PTPRM: variants seen among roughly 807,000 people sequenced by gnomAD.
The protein encoded by PTPRM is receptor-type tyrosine-protein phosphatase mu.
A neutral mutation model predicts 186.7 loss-of-function variants in PTPRM; 47 were observed. The ratio of observed to expected loss-of-function variants is 0.25; its 90% confidence interval spans 0.20 to 0.32. PTPRM has a LOEUF of 0.32. Among genes scored for constraint, PTPRM ranks in the 10% least tolerant of loss-of-function variants. The pLI, the probability that PTPRM is intolerant of heterozygous loss-of-function variation, is 1.00. For synonymous variants in PTPRM, 668 were observed against 674.9 expected, an observed-to-expected ratio of 0.99 and a Z score of 0.16; for missense variants, 1,494 against 1,865.0, an observed-to-expected ratio of 0.80 and a Z score of 3.66.
At chr18:8,021,697 C>A (rs767944228) in intron 7 of PTPRM, among the ~76,000 whole-genome samples, 3 of 152,082 alleles carry the variant, frequency 2.0e-5, no homozygotes, top group African/African-American at 4.8e-5. Flanking sequence ...TGATCTCATT[C>A]TTTTTTATGG....
chr18:7,729,149 G>A lies in PTPRM; in HGVS notation c.74-45000G>A, dbSNP rs192606137. Among the ~76,000 whole-genome samples, 66 of 152,018 alleles carry A rather than the reference G, an allele frequency of 4.3e-4. 2 individuals carry two copies. The highest frequency in any genetic ancestry group is 1.5e-3 in the African/African-American group (63 of 41,480). On this transcript the variant is annotated intron_variant, in intron 1 of 32. Coordinates refer to ENST00000580170, the MANE Select transcript of PTPRM (RefSeq NM_001105244.2). ...TGGTCTCAAACTCGTGGGCTCAAAT[G>A]TCCTCCTGCCTCAGCCTCTCAAAAT...
At chr18:8,182,380 ACT>A (rs2093588149) in intron 14 of PTPRM, among the ~76,000 whole-genome samples, 1 of 151,978 alleles carries the variant, frequency 6.6e-6, no homozygotes, top group Non-Finnish European at 1.5e-5. Flanking sequence ...CCTCCTCAAG[ACT>A]CTCGTATATC....
At chr18:8,331,777 T>C (rs1346190050) in intron 22 of PTPRM, among the ~76,000 whole-genome samples, 2 of 152,228 alleles carry the variant, frequency 1.3e-5, no homozygotes, top group African/African-American at 2.4e-5. Flanking sequence ...AGTGCCATCA[T>C]TGTTCACTGT....
chr18:8,012,342 G>T (rs57643131), intron 7 of PTPRM, among the ~76,000 whole-genome samples: 1 of 152,094 alleles, frequency 6.6e-6, no homozygotes, highest in African/African-American at 2.4e-5. Flanking sequence ...GTGACAGATC[G>T]ACAGGCCATG....
At chr18:7,743,500 G>A (rs1168316890) in intron 1 of PTPRM, among the ~76,000 whole-genome samples, 2 of 152,110 alleles carry the variant, frequency 1.3e-5, no homozygotes, top group Admixed American at 1.3e-4. Flanking sequence ...TGGAAGTAGA[G>A]ACAATTACAT....
At chr18:7,786,308 T>C (rs1009516662) in intron 2 of PTPRM, among the ~76,000 whole-genome samples, 7 of 152,180 alleles carry the variant, frequency 4.6e-5, no homozygotes, top group Non-Finnish European at 8.8e-5. Flanking sequence ...TAATTGGATA[T>C]GTGGGGTAGC....
At chr18:8,017,336 G>C (rs1039001564) in intron 7 of PTPRM, among the ~76,000 whole-genome samples, 1 of 151,650 alleles carries the variant, frequency 6.6e-6, no homozygotes, top group African/African-American at 2.4e-5. Context: ...CAGGAGTTTG[G>C]GACCAGCCTG....
Position 7,710,140 on chromosome 18 carries a change from A to G in PTPRM, c.74-64009A>G, listed in dbSNP as rs564273792. Among the ~76,000 whole-genome samples the G allele has an allele frequency of 3.9e-5, 6 of 152,332 alleles. 1 individual carries two copies. The East Asian group carries it at 1.2e-3, about 29-fold the overall frequency. ...ATCCCTGATGAACACAGATGCAAAA[A>G]TTCTCAACAAAATAACAGCTATCCA... On this transcript the variant is annotated intron_variant, in intron 1 of 32. Coordinates refer to ENST00000580170, the MANE Select transcript of PTPRM (RefSeq NM_001105244.2).
At chr18:7,862,430 C>T (rs554626496) in intron 2 of PTPRM, among the ~76,000 whole-genome samples, 1 of 152,288 alleles carries the variant, frequency 6.6e-6, no homozygotes, top group South Asian at 2.1e-4. Context: ...ATGAATACCA[C>T]ATTCAGGTGT....
intron 1 of PTPRM, among the ~76,000 whole-genome samples, chr18:7,764,082 T>C (rs2144792358): frequency 6.6e-6 from 1 of 152,266 alleles, no homozygotes; most frequent in Non-Finnish European, 1.5e-5. Flanking sequence ...TTTCTTAGCA[T>C]GAAATTTAAG....
At chr18:8,284,075 A>G (rs2094930834) in intron 19 of PTPRM, among the ~76,000 whole-genome samples, 1 of 152,178 alleles carries the variant, frequency 6.6e-6, no homozygotes, top group African/African-American at 2.4e-5. Context: ...CTTTGCTGAA[A>G]CAACAGTCTA....
chr18:8,377,563 T>A (rs866535395), intron 26 of PTPRM: 1 of 152,106 alleles, frequency 6.6e-6, no homozygotes, highest in Non-Finnish European at 1.5e-5. Context: ...GGACAAGAGG[T>A]TGTTGAAAAA....
chr18:8,077,093 G>A (rs1169606870), intron 9 of PTPRM, among the ~76,000 whole-genome samples: 1 of 152,110 alleles, frequency 6.6e-6, no homozygotes, highest in Non-Finnish European at 1.5e-5. Context: ...TTGAATGATA[G>A]ATAGCAGAGA....
intron 26 of PTPRM, 134 bp downstream of exon 26, chr18:8,376,731 T>TTACC: frequency 1.1e-6 from 1 of 915,552 alleles, no homozygotes; most frequent in Non-Finnish European, 1.5e-6. Flanking sequence ...TCCCTGTTCC[T>TTACC]TCCCTCCCTC....
chr18:8,170,349 G>A (rs191902569), intron 14 of PTPRM, among the ~76,000 whole-genome samples: 7 of 152,214 alleles, frequency 4.6e-5, no homozygotes, highest in African/African-American at 1.2e-4. Flanking sequence ...TGTGCTGGCC[G>A]CACAGTTATA....
intron 7 of PTPRM, chr18:8,049,496 C>CT (rs1260719704): frequency 6.6e-6 from 1 of 152,104 alleles, no homozygotes; most frequent in Admixed American, 6.5e-5. Flanking sequence ...GATTTATGAT[C>CT]TAAATGTTCG....
chr18:8,210,596 A>C (rs2093990180), intron 14 of PTPRM, among the ~76,000 whole-genome samples: 1 of 152,176 alleles, frequency 6.6e-6, no homozygotes, highest in Non-Finnish European at 1.5e-5. Flanking sequence ...TACTTTTTAC[A>C]GCAGCCCTAG....
At chr18:7,671,668 G>A (rs2039219406) in intron 1 of PTPRM, among the ~76,000 whole-genome samples, 1 of 152,106 alleles carries the variant, frequency 6.6e-6, no homozygotes, top group Non-Finnish European at 1.5e-5. Flanking sequence ...TAAGTAACTG[G>A]ATTTAGAGAA....
At chr18:7,919,673 G>T (rs2050752497) in intron 4 of PTPRM, among the ~76,000 whole-genome samples, 1 of 152,162 alleles carries the variant, frequency 6.6e-6, no homozygotes. Flanking sequence ...CTAATGAAAA[G>T]AAAGTGTATT....
Sources: allele counts gnomAD v4.1 joint callset (sites outside exome capture counted in the v4.1 genomes callset), GRCh38; gene constraint gnomAD v4.1.1; transcripts MANE v1.5; gene names NCBI Gene and HGNC (gene_info 2026-07-23, HGNC 2026-07-21).